The following CACNA2D3 variants were observed in gnomAD, a reference collection of about 807,000 sequenced individuals.
CACNA2D3 encodes calcium voltage-gated channel auxiliary subunit alpha2delta 3.
A neutral mutation model predicts 160.6 loss-of-function variants in CACNA2D3; 60 were observed. That is an observed-to-expected ratio of 0.37 (90% CI 0.30 to 0.46). The LOEUF (loss-of-function observed/expected upper bound fraction) is 0.46, where lower values mean the gene tolerates loss of function less well. CACNA2D3 is among the 20% of genes least tolerant of loss of function. The pLI is 1.00. For synonymous variants in CACNA2D3, 558 were observed against 492.9 expected, an observed-to-expected ratio of 1.13 and a Z score of -1.75; for missense variants, 1,205 against 1,365.0, an observed-to-expected ratio of 0.88 and a Z score of 1.85.
intron 27 of CACNA2D3, among the ~76,000 whole-genome samples, chr3:54,904,129 G>A (rs1163838875): frequency 1.3e-5 from 2 of 152,238 alleles, no homozygotes; most frequent in Admixed American, 1.3e-4. Flanking sequence ...GCAGAAGGTA[G>A]AAGGGCAAGA....
chr3:54,549,060 C>G (rs1489610822), intron 5 of CACNA2D3, among the ~76,000 whole-genome samples: 1 of 152,202 alleles, frequency 6.6e-6, no homozygotes, highest in East Asian at 1.9e-4. Context: ...ATCCAGACCT[C>G]TCTTAGAAGC....
intron 12 of CACNA2D3, 125 bp downstream of exon 12, chr3:54,752,802 T>C (rs551244436): frequency 3.1e-6 from 2 of 642,198 alleles, no homozygotes; most frequent in East Asian, 2.8e-5. Context: ...TCTAAGTGAT[T>C]ACTGATAGAC....
chr3:54,435,433 T>C (rs971791271), intron 4 of CACNA2D3, among the ~76,000 whole-genome samples: 2 of 152,106 alleles, frequency 1.3e-5, no homozygotes, highest in African/African-American at 4.8e-5. Flanking sequence ...TGTAGCCCCA[T>C]GTTCACTGGG....
At chr3:54,757,143 C>T (rs1015911482) in intron 12 of CACNA2D3, among the ~76,000 whole-genome samples, 1 of 152,108 alleles carries the variant, frequency 6.6e-6, no homozygotes, top group Non-Finnish European at 1.5e-5. Flanking sequence ...ATTCAGTATG[C>T]CAAGATTTTA....
chr3:54,148,455 A>T (rs1199381616), intron 2 of CACNA2D3, among the ~76,000 whole-genome samples: 1 of 152,186 alleles, frequency 6.6e-6, no homozygotes, highest in African/African-American at 2.4e-5. Flanking sequence ...CAAGTGAAGA[A>T]CGTGTTCCCC....
At chr3:54,895,821 A>T (rs1275181946) in intron 25 of CACNA2D3, among the ~76,000 whole-genome samples, 2 of 152,056 alleles carry the variant, frequency 1.3e-5, no homozygotes, top group Non-Finnish European at 2.9e-5. Flanking sequence ...AGCACATGTG[A>T]CTCTCCAGAG....
At chr3:54,319,199 C>T (rs7627111) in intron 2 of CACNA2D3, among the ~76,000 whole-genome samples, 29,763 of 149,172 alleles carry the variant, frequency 0.2, 3,329 homozygotes, top group Non-Finnish European at 0.26. Context: ...CACACACACA[C>T]ACCCTTCCTC....
chr3:54,429,752 G>C (rs1699961614), intron 4 of CACNA2D3, among the ~76,000 whole-genome samples: 3 of 152,130 alleles, frequency 2.0e-5, no homozygotes, highest in Non-Finnish European at 4.4e-5. Context: ...CTTGTCTTTT[G>C]CCACAGATTT....
chr3:54,829,673 T>C (rs1409401079), intron 14 of CACNA2D3, among the ~76,000 whole-genome samples: 1 of 151,988 alleles, frequency 6.6e-6, no homozygotes, highest in Non-Finnish European at 1.5e-5. Flanking sequence ...CTCACCCCAT[T>C]AACCCTATTA....
At chr3:54,842,237 T>G (rs189558113) in intron 16 of CACNA2D3, among the ~76,000 whole-genome samples, 2,834 of 151,060 alleles carry the variant, frequency 0.019, 31 homozygotes, top group Middle Eastern at 0.044. Flanking sequence ...AATGCTTTCC[T>G]GGGGAGGATT....
intron 2 of CACNA2D3, among the ~76,000 whole-genome samples, chr3:54,278,516 A>G (rs112211176): frequency 5.3e-5 from 8 of 152,284 alleles, no homozygotes; most frequent in South Asian, 2.1e-4. Flanking sequence ...AAATCATTCT[A>G]CTGTAAAGAT....
chr3:54,869,134 C>T (rs546393097), intron 17 of CACNA2D3, among the ~76,000 whole-genome samples: 6 of 152,190 alleles, frequency 3.9e-5, no homozygotes, highest in African/African-American at 9.6e-5. Flanking sequence ...TTTTTGAGGA[C>T]GAAGGAACAT....
chr3:54,515,519 A>G (rs1047316214), intron 5 of CACNA2D3, among the ~76,000 whole-genome samples: 2 of 152,330 alleles, frequency 1.3e-5, no homozygotes, highest in African/African-American at 4.8e-5. Flanking sequence ...TTGTGGTGAA[A>G]ATGGCCAACA....
chr3:54,148,541 C>T (rs1384497506), intron 2 of CACNA2D3, among the ~76,000 whole-genome samples: 1 of 152,074 alleles, frequency 6.6e-6, no homozygotes, highest in African/African-American at 2.4e-5. Flanking sequence ...TGGCCTGAGC[C>T]CTCATATAGG....
intron 35 of CACNA2D3, among the ~76,000 whole-genome samples, chr3:55,064,403 G>C (rs181409724): frequency 6.6e-6 from 1 of 152,114 alleles, no homozygotes; most frequent in Non-Finnish European, 1.5e-5. Context: ...GCCAGGTGCC[G>C]GTGAGGTGGG....
At chr3:54,991,123 T>G (rs948985937) in intron 31 of CACNA2D3, among the ~76,000 whole-genome samples, 1 of 152,104 alleles carries the variant, frequency 6.6e-6, no homozygotes, top group African/African-American at 2.4e-5. Flanking sequence ...TTGCAGGCTT[T>G]CCAGTAACTC....
At chr3:54,195,718 A>G (rs1701065816) in intron 2 of CACNA2D3, among the ~76,000 whole-genome samples, 1 of 152,122 alleles carries the variant, frequency 6.6e-6, no homozygotes, top group Non-Finnish European at 1.5e-5. Flanking sequence ...TTTGTGGTGC[A>G]GCGTTGGGTT....
In CACNA2D3 at chr3:54,332,219, G is replaced by A. The variant is rs184360892; in HGVS notation, c.321+11661G>A. Among the ~76,000 whole-genome samples, 13 of 152,336 alleles carry A rather than the reference G, an allele frequency of 8.5e-5. No homozygotes were observed. In the East Asian group the frequency reaches 2.5e-3, roughly 29 times the overall value. ...ATTAACAGGAAGAAATTAGCCCCAT[G>A]TATCCTTCCTTTTTATCACAGTGTG... On this transcript the variant is annotated intron_variant, in intron 3 of 37. Transcript: ENST00000474759.
chr3:54,129,528 C>T (rs62250995), intron 2 of CACNA2D3, among the ~76,000 whole-genome samples: 20,152 of 152,112 alleles, frequency 0.13, 1,604 homozygotes, highest in East Asian at 0.19. Context: ...AAACTATTGG[C>T]GCACATTTCA....
Sources: allele counts gnomAD v4.1 joint callset (sites outside exome capture counted in the v4.1 genomes callset), GRCh38; gene constraint gnomAD v4.1.1; transcripts MANE v1.5; gene names NCBI Gene and HGNC (gene_info 2026-07-23, HGNC 2026-07-21).